Variants in DRC11 observed in about 807,000 individuals in gnomAD.
DRC11 encodes IQ and AAA domain-containing protein 1.
chr2:236,489,615 A>G, the DRC11 span, among the ~76,000 whole-genome samples: 1 of 152,250 alleles, frequency 6.6e-6, no homozygotes, highest in East Asian at 1.9e-4. Context: ...GGGACAGATC[A>G]CTGGAGTCAG....
chr2:236,441,047 A>T, the DRC11 span: 1 of 1,534,868 alleles, frequency 6.5e-7, no homozygotes, highest in Non-Finnish European at 8.9e-7. Context: ...TACCTGTTGT[A>T]TGGTCTTGTC....
the DRC11 span, among the ~76,000 whole-genome samples, chr2:236,360,041 C>CA: frequency 3.9e-5 from 6 of 152,272 alleles, no homozygotes; most frequent in East Asian, 5.8e-4. The surrounding 1 kb of genome is among the most constrained non-coding windows in gnomAD (Gnocchi z 5.8). Flanking sequence ...GGTATCAAGA[C>CA]AAAATCTCTC....
the DRC11 span, among the ~76,000 whole-genome samples, chr2:236,404,812 T>C: frequency 3.3e-5 from 5 of 152,230 alleles, no homozygotes; most frequent in Admixed American, 6.5e-5. Flanking sequence ...TAGTATACAC[T>C]AAGTGCCTTA....
chr2:236,466,594 G>A, the DRC11 span, among the ~76,000 whole-genome samples: 1 of 152,114 alleles, frequency 6.6e-6, no homozygotes, highest in African/African-American at 2.4e-5. Flanking sequence ...GAAGGTGACA[G>A]GGAGCCAGTG....
chr2:236,343,578 T>G, the DRC11 span: 1 of 524,928 alleles, frequency 1.9e-6, no homozygotes, highest in Non-Finnish European at 3.4e-6. This position sits in a 1 kb window ranked among gnomAD's most constrained non-coding sequence, Gnocchi z 6.6. Flanking sequence ...CCCCTGCCCA[T>G]GAATGAGCCA....
At chr2:236,491,246 GTATATATATATA>G in the DRC11 span, among the ~76,000 whole-genome samples, 2 of 23,774 alleles carry the variant, frequency 8.4e-5, no homozygotes, top group Admixed American at 4.1e-4. Context: ...TATATACACA[GTATATATATATA>G]TATATATATA....
chr2:236,463,764 A>G, the DRC11 span, among the ~76,000 whole-genome samples: 1 of 152,176 alleles, frequency 6.6e-6, no homozygotes, highest in Non-Finnish European at 1.5e-5. This position sits in a 1 kb window ranked among gnomAD's most constrained non-coding sequence, Gnocchi z 5.0. Flanking sequence ...CAACAAACAC[A>G]TATTGTGTCA....
chr2:236,443,104 C>T, the DRC11 span, among the ~76,000 whole-genome samples: 22 of 152,124 alleles, frequency 1.4e-4, no homozygotes, highest in Admixed American at 3.3e-4. The surrounding 1 kb of genome is among the most constrained non-coding windows in gnomAD (Gnocchi z 4.4). Flanking sequence ...CTATGTGTTT[C>T]AAGGGTCAAG....
chr2:236,385,318 G>A, the DRC11 span, among the ~76,000 whole-genome samples: 1 of 146,094 alleles, frequency 6.8e-6, no homozygotes, highest in Non-Finnish European at 1.5e-5. Flanking sequence ...CCATTTGTTT[G>A]TATCCTCTTT....
At chr2:236,482,135 C>A in the DRC11 span, among the ~76,000 whole-genome samples, 1 of 148,758 alleles carries the variant, frequency 6.7e-6, no homozygotes, top group Admixed American at 6.7e-5. The surrounding 1 kb of genome is among the most constrained non-coding windows in gnomAD (Gnocchi z 4.5). Context: ...ATGTATAATT[C>A]TACATATTAT....
chr2:236,309,834 G>C, the DRC11 span, among the ~76,000 whole-genome samples: 9 of 152,190 alleles, frequency 5.9e-5, no homozygotes, highest in Non-Finnish European at 1.2e-4. The surrounding 1 kb of genome is among the most constrained non-coding windows in gnomAD (Gnocchi z 5.7). Context: ...AGCTCTCACC[G>C]TGCTCCTGGA....
chr2:236,422,984 A>C, the DRC11 span, among the ~76,000 whole-genome samples: 1 of 152,116 alleles, frequency 6.6e-6, no homozygotes, highest in Admixed American at 6.5e-5. Flanking sequence ...GTGCTGGGAA[A>C]ACTGGCTAGC....
chr2:236,466,587 G>A, the DRC11 span, among the ~76,000 whole-genome samples: 1 of 152,152 alleles, frequency 6.6e-6, no homozygotes, highest in African/African-American at 2.4e-5. Flanking sequence ...CATGATGGAA[G>A]GTGACAGGGA....
the DRC11 span, among the ~76,000 whole-genome samples, chr2:236,400,526 T>C: frequency 1.3e-5 from 2 of 152,184 alleles, no homozygotes; most frequent in East Asian, 3.9e-4. This position sits in a 1 kb window ranked among gnomAD's most constrained non-coding sequence, Gnocchi z 7.9. Flanking sequence ...ACTGCCTCAA[T>C]AGTCTGGTTT....
chr2:236,378,558 C>T, the DRC11 span, among the ~76,000 whole-genome samples: 1 of 151,942 alleles, frequency 6.6e-6, no homozygotes, highest in African/African-American at 2.4e-5. Flanking sequence ...AACTGTAATC[C>T]CAGCTACTCA....
At chr2:236,437,138 C>G in the DRC11 span, among the ~76,000 whole-genome samples, 5 of 138,098 alleles carry the variant, frequency 3.6e-5, no homozygotes, top group South Asian at 2.5e-4. Context: ...TCCCCTTCCT[C>G]TGTCCATGTG....
the DRC11 span, among the ~76,000 whole-genome samples, chr2:236,394,637 G>A: frequency 6.6e-6 from 1 of 152,128 alleles, no homozygotes; most frequent in Non-Finnish European, 1.5e-5. The surrounding 1 kb of genome is among the most constrained non-coding windows in gnomAD (Gnocchi z 7.0). Flanking sequence ...AAAAAAAAGT[G>A]GGTTGGGTTC....
the DRC11 span, among the ~76,000 whole-genome samples, chr2:236,496,758 A>G: frequency 2.0e-5 from 3 of 152,328 alleles, no homozygotes; most frequent in South Asian, 6.2e-4. This position sits in a 1 kb window ranked among gnomAD's most constrained non-coding sequence, Gnocchi z 6.3. Flanking sequence ...CCACTTGGCA[A>G]TAGGGAACCT....
chr2:236,363,822 A>G, the DRC11 span: 3 of 1,613,940 alleles, frequency 1.9e-6, no homozygotes, highest in Non-Finnish European at 2.5e-6. This position sits in a 1 kb window ranked among gnomAD's most constrained non-coding sequence, Gnocchi z 5.6. Flanking sequence ...CATTTTTGCC[A>G]GGGTATTTCC....
Sources: gnomAD v4.1 joint callset for allele counts (sites outside exome capture counted in the v4.1 genomes callset) on GRCh38, gnomAD v4.1.1 for gene constraint, Gnocchi (gnomAD v3.1) non-coding constraint, MANE v1.5 for transcripts, NCBI Gene and HGNC (gene_info 2026-07-23, HGNC 2026-07-21) for gene names.